ZNF521: variants seen among roughly 807,000 people sequenced by gnomAD.
ZNF521 encodes the protein zinc finger protein 521.
In ZNF521, 14 loss-of-function variants were observed where a neutral mutation model predicts 105.5. The ratio of observed to expected loss-of-function variants is 0.13; its 90% CI spans 0.09 to 0.21. The LOEUF (loss-of-function observed/expected upper bound fraction) is 0.21, where lower values mean the gene tolerates loss of function less well. ZNF521 is among the 10% of genes least tolerant of loss of function. The probability of loss-of-function intolerance (pLI) is 1.00; values close to 1 mark genes in which losing one functional copy is unlikely to be tolerated. For synonymous variants in ZNF521, 635 were observed against 606.0 expected (o/e 1.05, Z -0.70); for missense variants, 1,233 against 1,629.7 (o/e 0.76, Z 4.19).
In ZNF521 at chr18:25,117,082, C is replaced by T. The variant is rs1028524600; in HGVS notation, c.3659-25001G>A. ...ACACACACACACACACACACACACA[C>T]ATACACACATCCTTAATTAGATTGC... On this transcript the variant is annotated intron_variant, in intron 5 of 7. Coordinates refer to ENST00000361524, the MANE Select transcript of ZNF521 (RefSeq NM_015461.3). 8.4e-3 allele frequency among the ~76,000 whole-genome samples: 681 copies of T among 81,262 alleles called. 7 individuals are homozygous for T. The highest frequency in any genetic ancestry group is 0.014 in the African/African-American group (237 of 16,748). The allele number at this position is 81,262 out of a possible 152,430, so 53.3% of individuals were successfully genotyped here. A position where few individuals can be genotyped will look rare whatever the true frequency, so the allele number is the denominator to read the frequency against.
In ZNF521 at chr18:25,342,415, T is replaced by TGTTTG. The variant is rs1555667615; in HGVS notation, c.40+8491_40+8492insCAAAC. 1.1e-3 allele frequency among the ~76,000 whole-genome samples: 86 copies of TGTTTG among 81,774 alleles called. 1 individual carries two copies. The highest frequency in any genetic ancestry group is 6.4e-3 in the Middle Eastern group (1 of 156). The allele number at this position is 81,774 out of a possible 152,430, so 53.6% of individuals were successfully genotyped here. On this transcript the variant is annotated intron_variant, in intron 2 of 7. Transcript: ENST00000361524. ...TTTCCTTTTCTTTCCTTTGTTTTTT[T>TGTTTG]TTTGTTTGTTTGTTTGTTTTTTTTG...
At chr18:25,114,751 TG>T (rs2034270432) in intron 5 of ZNF521, among the ~76,000 whole-genome samples, 1 of 152,198 alleles carries the variant, frequency 6.6e-6, no homozygotes, top group Admixed American at 6.5e-5. Context: ...GCTTTCTTCT[TG>T]GGTAAACATC....
intron 4 of ZNF521, among the ~76,000 whole-genome samples, chr18:25,204,247 T>A (rs1190886854): frequency 6.6e-6 from 1 of 152,212 alleles, no homozygotes; most frequent in African/African-American, 2.4e-5. Flanking sequence ...TCCATGAAGA[T>A]ATAAATTTAA....
chr18:25,226,485 T>C lies in ZNF521; in HGVS notation c.1433A>G (p.Gln478Arg). 6.2e-7 allele frequency: 1 copy of C among 1,614,170 alleles called. No homozygotes were observed. The highest frequency in any genetic ancestry group is 2.2e-5 in the East Asian group (1 of 44,864). Residue 478 changes from glutamine (Q) to arginine (R), a missense_variant, in exon 4 of 8, where the codon CAG becomes CGG. Gln to Arg is a conservative substitution (Grantham distance 43). Coordinates refer to ENST00000361524, the MANE Select transcript of ZNF521 (RefSeq NM_015461.3). The surrounding 1 kb of genome is among the most constrained non-coding windows in gnomAD (Gnocchi z 4.1). ...GACAACTTCGGAACAGAAGTTACAC[T>C]GGTAGACAATGGCAGGCATGGCAGA... ...IVSAMPAIVY[Q>R]CNFCSEVVND...
chr18:25,319,700 G>A (rs1912834732), intron 3 of ZNF521, among the ~76,000 whole-genome samples: 1 of 152,040 alleles, frequency 6.6e-6, no homozygotes, highest in East Asian at 1.9e-4. Context: ...CATATACAAA[G>A]AGAAAATGGT....
At chr18:25,300,223 T>C (rs949649035) in intron 3 of ZNF521, among the ~76,000 whole-genome samples, 8 of 152,104 alleles carry the variant, frequency 5.3e-5, no homozygotes, top group Non-Finnish European at 4.4e-5. Context: ...GCCATGTGAG[T>C]AAGACCACTG....
At chr18:25,319,434 A>C (rs1200789907) in intron 3 of ZNF521, among the ~76,000 whole-genome samples, 1 of 152,092 alleles carries the variant, frequency 6.6e-6, no homozygotes, top group Non-Finnish European at 1.5e-5. Flanking sequence ...TCTCTACTAA[A>C]AAGTACAAAA....
At position 25,266,557 on chromosome 18, in the gene ZNF521, T is replaced by C. The variant is rs866588214; in HGVS notation, c.221-38860A>G. ...ATTTCCAACTGAGGTACCCAGTTCATCTCATTGGGACTGCTTGGACAGTGG... is the reference window on the plus strand; with the variant it reads ...ATTTCCAACTGAGGTACCCAGTTCACCTCATTGGGACTGCTTGGACAGTGG... On this transcript the variant is annotated intron_variant, in intron 3 of 7. Coordinates refer to ENST00000361524, the MANE Select transcript of ZNF521 (RefSeq NM_015461.3). 5.7e-4 allele frequency among the ~76,000 whole-genome samples: 87 copies of C among 152,202 alleles called. 1 individual carries two copies. Among genetic ancestry groups the C allele is most frequent in the Admixed American group, 5.9e-4 (9 of 15,294 alleles).
At chr18:25,196,427 A>G (rs951889362) in intron 4 of ZNF521, among the ~76,000 whole-genome samples, 23 of 151,598 alleles carry the variant, frequency 1.5e-4, no homozygotes, top group Admixed American at 4.6e-4. Flanking sequence ...ACCAAAGTTA[A>G]GCACAAACAT....
chr18:25,081,379 G>T (rs2033492161), intron 7 of ZNF521, among the ~76,000 whole-genome samples: 1 of 152,150 alleles, frequency 6.6e-6, no homozygotes, highest in African/African-American at 2.4e-5. Context: ...TGAACATCAA[G>T]AAATTAATGG....
At chr18:25,180,154 A>G (rs2035606939) in intron 5 of ZNF521, among the ~76,000 whole-genome samples, 1 of 152,148 alleles carries the variant, frequency 6.6e-6, no homozygotes. Context: ...GAAGATTATA[A>G]TTTTTTCTTA....
chr18:25,166,894 AG>A (rs1288838453), intron 5 of ZNF521, among the ~76,000 whole-genome samples: 1 of 152,202 alleles, frequency 6.6e-6, no homozygotes, highest in Admixed American at 6.5e-5. Flanking sequence ...TATTTGTTGA[AG>A]ATATGGATTA....
intron 7 of ZNF521, among the ~76,000 whole-genome samples, chr18:25,072,136 T>C (rs995233461): frequency 1.3e-5 from 2 of 152,190 alleles, no homozygotes; most frequent in African/African-American, 2.4e-5. Flanking sequence ...TCAAACGAGC[T>C]GGAAAAGCCC....
chr18:25,205,862 T>A (rs899685682), intron 4 of ZNF521, among the ~76,000 whole-genome samples: 2 of 152,174 alleles, frequency 1.3e-5, no homozygotes, highest in African/African-American at 4.8e-5. Flanking sequence ...AACAGACAAA[T>A]TTTTTATCTC....
At position 25,226,043 on chromosome 18, in the gene ZNF521, A is replaced by C; in HGVS notation, c.1875T>G (p.Gly625=). The C allele has an allele frequency of 6.2e-7, 1 of 1,614,062 alleles. No individual in the cohort carries two copies. Among genetic ancestry groups the C allele is most frequent in the African/African-American group, 1.3e-5 (1 of 75,016 alleles). The change falls in exon 4 of 8, where the codon GGT becomes GGG. Residue 625 remains glycine (G), a synonymous_variant. Coordinates refer to ENST00000361524, the MANE Select transcript of ZNF521 (RefSeq NM_015461.3). This position sits in a 1 kb window ranked among gnomAD's most constrained non-coding sequence, Gnocchi z 4.1. The stretch of plus-strand genomic sequence containing the variant: ...ATTCTCCAGTGGGACGTGCAGGTGC[A>C]CCTCCTACTGCCTGCATCATCTTAA... ...TSLKMMQAVG[G]APARPTGEYI...
chr18:25,212,362 C>T (rs141084703), intron 4 of ZNF521, among the ~76,000 whole-genome samples: 5,100 of 149,688 alleles, frequency 0.034, 267 homozygotes, highest in African/African-American at 0.12. Context: ...ATACAAAAAT[C>T]AGCTGGGCAT....
chr18:25,318,121 T>C (rs926359781), intron 3 of ZNF521, among the ~76,000 whole-genome samples: 2 of 152,132 alleles, frequency 1.3e-5, no homozygotes, highest in African/African-American at 2.4e-5. Flanking sequence ...TATAATGGAA[T>C]ACTACACAGC....
At chr18:25,089,285 G>A (rs1202339020) in intron 7 of ZNF521, among the ~76,000 whole-genome samples, 180 bp downstream of exon 7, 1 of 152,228 alleles carries the variant, frequency 6.6e-6, no homozygotes, top group Non-Finnish European at 1.5e-5. Context: ...ACAGCAGCCA[G>A]AGGCAAAATT....
intron 3 of ZNF521, among the ~76,000 whole-genome samples, chr18:25,275,825 G>A (rs1335547512): frequency 1.3e-5 from 2 of 152,122 alleles, no homozygotes; most frequent in African/African-American, 2.4e-5. Flanking sequence ...TTTTGCAGCT[G>A]TGCCCTTCCC....
Sources: gnomAD v4.1 joint callset for allele counts (sites outside exome capture counted in the v4.1 genomes callset) on GRCh38, gnomAD v4.1.1 for gene constraint, Gnocchi (gnomAD v3.1) non-coding constraint, MANE v1.5 for transcripts, NCBI Gene and HGNC (gene_info 2026-07-23, HGNC 2026-07-21) for gene names.